The following MTA3 variants were observed in gnomAD, a reference collection of about 807,000 sequenced individuals.
MTA3 encodes the protein metastasis-associated protein MTA3.
A neutral mutation model predicts 83.5 loss-of-function variants in MTA3; 34 were observed. That is an observed-to-expected ratio of 0.41 (90% CI 0.31 to 0.54). The LOEUF is 0.54. Ranked by LOEUF, MTA3 falls within the 20% of genes least tolerant of loss-of-function variation. MTA3 has a pLI of 0.33. For missense variants in MTA3, 761 were observed against 726.4 expected, an observed-to-expected ratio of 1.05 and a Z score of -0.55; for synonymous variants, 303 against 252.7, an observed-to-expected ratio of 1.20 and a Z score of -1.89.
intron 8 of MTA3, among the ~76,000 whole-genome samples, chr2:42,677,880 C>T (rs909495436): frequency 3.9e-5 from 6 of 152,194 alleles, no homozygotes; most frequent in Admixed American, 3.3e-4. Context: ...CTGTCTCTCT[C>T]ACACACACAA....
chr2:42,640,205 C>A lies in MTA3; in HGVS notation c.350C>A (p.Thr117Lys). The A allele has an allele frequency of 6.2e-7, 1 of 1,608,504 alleles. No individual in the cohort carries two copies. The highest frequency in any genetic ancestry group is 8.5e-7 in the Non-Finnish European group (1 of 1,178,064). The change falls in exon 5 of 17, where the codon ACA becomes AAA. Residue 117 changes from threonine to lysine, a missense_variant. Thr to Lys is a moderately conservative substitution (Grantham distance 78). Coordinates refer to ENST00000405094, the MANE Select transcript of MTA3 (RefSeq NM_001330442.2). ...TGCAGTGTTGCCCTTCTGAATGAGA[C>A]AGAATCAGTATTGTCATATCTTGAT... ...GKCSVALLNE[T>K]ESVLSYLDKE...
chr2:42,547,017 A>T (rs1676786958), intron 2 of MTA3, among the ~76,000 whole-genome samples: 1 of 152,166 alleles, frequency 6.6e-6, no homozygotes, highest in Non-Finnish European at 1.5e-5. Context: ...GAGGATGTGG[A>T]CTTTAAACTG....
At chr2:42,573,508 G>A (rs894450717) in intron 2 of MTA3, among the ~76,000 whole-genome samples, 3 of 151,884 alleles carry the variant, frequency 2.0e-5, no homozygotes, top group Non-Finnish European at 2.9e-5. Context: ...CACCATACCT[G>A]GCTAATTTTT....
intron 6 of MTA3, among the ~76,000 whole-genome samples, chr2:42,651,468 A>G (rs897855615): frequency 6.6e-6 from 1 of 152,182 alleles, no homozygotes; most frequent in Admixed American, 6.5e-5. Flanking sequence ...GAAGTTTTTA[A>G]TACTGCCATC....
intron 8 of MTA3, among the ~76,000 whole-genome samples, chr2:42,664,352 C>T (rs1288811768): frequency 6.6e-6 from 1 of 150,812 alleles, no homozygotes; most frequent in Non-Finnish European, 1.5e-5. Context: ...ATGAAAGGTT[C>T]ATTGGTTGTT....
intron 8 of MTA3, among the ~76,000 whole-genome samples, chr2:42,681,736 C>T (rs1691936413): frequency 6.6e-6 from 1 of 151,680 alleles, no homozygotes; most frequent in African/African-American, 2.4e-5. Flanking sequence ...TCTTAAAACT[C>T]CTGGGCTCAA....
At chr2:42,640,264 T>C in intron 5 of MTA3, 28 bp downstream of exon 5, 1 of 1,490,384 alleles carries the variant, frequency 6.7e-7, no homozygotes. Flanking sequence ...TTGTTTTGTT[T>C]TTTTCTCCCT....
intron 8 of MTA3, among the ~76,000 whole-genome samples, chr2:42,671,994 T>C (rs1013952598): frequency 6.6e-6 from 1 of 152,228 alleles, no homozygotes; most frequent in African/African-American, 2.4e-5. Flanking sequence ...ACTCAACTAT[T>C]ACACTTTTCA....
intron 16 of MTA3, among the ~76,000 whole-genome samples, chr2:42,745,472 C>T (rs1016525095): frequency 5.9e-5 from 9 of 152,228 alleles, no homozygotes; most frequent in African/African-American, 2.2e-4. Flanking sequence ...TATTGTTTCT[C>T]TATAGCTTAT....
intron 2 of MTA3, among the ~76,000 whole-genome samples, chr2:42,519,456 AGTAGCCGGGT>A (rs2103689516): frequency 6.6e-6 from 1 of 151,974 alleles, no homozygotes; most frequent in African/African-American, 2.4e-5. Flanking sequence ...AAATACAAAA[AGTAGCCGGGT>A]GTGATGGCAC....
chr2:42,605,941 C>A (rs1235683845), intron 3 of MTA3, among the ~76,000 whole-genome samples: 6 of 27,086 alleles, frequency 2.2e-4, no homozygotes, highest in Admixed American at 5.8e-4. Context: ...CTCACCTCCC[C>A]GACGGGGCGG....
chr2:42,665,417 G>A (rs1339994982), intron 8 of MTA3, among the ~76,000 whole-genome samples: 2 of 151,920 alleles, frequency 1.3e-5, no homozygotes, highest in Admixed American at 1.3e-4. Flanking sequence ...GAAAAAGTAG[G>A]TTTACAGTAC....
Position 42,548,831 on chromosome 2 carries a change from T to TATATATATATAATATATATATATA in MTA3, c.-140-21595_-140-21594insATATATATATATAATATATATATA, listed in dbSNP as rs1432956910. Reference sequence around the variant, plus strand: ...AAAAAATATATATATATATATATAATATATATATATATATAATATATATAT... The same window carrying TATATATATATAATATATATATATA: ...AAAAAATATATATATATATATATAATATATATATATAATATATATATATAATATATATATATATAATATATATAT... On this transcript the variant is annotated intron_variant, in intron 2 of 17. Coordinates refer to the MTA3 transcript ENST00000405592. Among the ~76,000 whole-genome samples the TATATATATATAATATATATATATA allele has an allele frequency of 3.5e-4, 3 of 8,528 alleles. 1 individual carries two copies. The highest frequency in any genetic ancestry group is 5.0e-4 in the Non-Finnish European group (2 of 4,002). 5.6% of individuals were successfully genotyped at this position (8,528 alleles called of 152,430 possible). A position where few individuals can be genotyped will look rare whatever the true frequency, so the allele number is the denominator to read the frequency against.
chr2:42,621,924 G>C (rs915989361), intron 4 of MTA3, among the ~76,000 whole-genome samples: 1 of 151,250 alleles, frequency 6.6e-6, no homozygotes. Context: ...TCTCAGACTG[G>C]GCAGCCGGGC....
intron 4 of MTA3, among the ~76,000 whole-genome samples, chr2:42,638,701 G>A (rs949289264): frequency 5.1e-5 from 4 of 78,840 alleles, no homozygotes; most frequent in Non-Finnish European, 9.5e-5. Context: ...CTAAAGTGAT[G>A]TTAATTTTTT....
chr2:42,601,960 C>A (rs936703729), intron 3 of MTA3, among the ~76,000 whole-genome samples: 2 of 152,200 alleles, frequency 1.3e-5, no homozygotes, highest in Non-Finnish European at 2.9e-5. Flanking sequence ...CCACCTCAGC[C>A]CCCTGAGTAG....
chr2:42,706,612 C>A (rs531224654), intron 12 of MTA3, among the ~76,000 whole-genome samples: 1 of 152,170 alleles, frequency 6.6e-6, no homozygotes, highest in Non-Finnish European at 1.5e-5. Context: ...GGCAAACTTA[C>A]AGAATTACAA....
intron 3 of MTA3, among the ~76,000 whole-genome samples, chr2:42,597,050 G>A (rs1681879618): frequency 6.6e-6 from 1 of 151,752 alleles, no homozygotes; most frequent in Non-Finnish European, 1.5e-5. Flanking sequence ...GACAACAGGA[G>A]CAAACTGCAT....
chr2:42,607,443 G>A (rs1039584667), intron 3 of MTA3, among the ~76,000 whole-genome samples: 2 of 152,056 alleles, frequency 1.3e-5, no homozygotes, highest in African/African-American at 4.8e-5. Context: ...GCAGTGGTGC[G>A]ATCTCAGCTC....
Sources: gnomAD v4.1 joint callset for allele counts (sites outside exome capture counted in the v4.1 genomes callset) on GRCh38, gnomAD v4.1.1 for gene constraint, MANE v1.5 for transcripts, NCBI Gene and HGNC (gene_info 2026-07-23, HGNC 2026-07-21) for gene names.